Variants in CCBE1 observed in about 807,000 individuals in gnomAD.
The protein encoded by CCBE1 is collagen and calcium-binding EGF domain-containing protein 1.
Under a neutral mutation model 50.0 loss-of-function variants are expected in CCBE1, and 37 were observed. That is an observed-to-expected ratio of 0.74 (90% CI 0.57 to 0.97). CCBE1 has a LOEUF of 0.97. Among genes scored for constraint, CCBE1 ranks in the 50% least tolerant of loss-of-function variants. The pLI is 0.00. For synonymous variants in CCBE1, 234 were observed against 203.7 expected, an observed-to-expected ratio of 1.15 and a Z score of -1.27; for missense variants, 538 against 523.8, an observed-to-expected ratio of 1.03 and a Z score of -0.26.
chr18:59,642,383 G>A (rs754879582), intron 2 of CCBE1, among the ~76,000 whole-genome samples: 1 of 152,186 alleles, frequency 6.6e-6, no homozygotes, highest in Non-Finnish European at 1.5e-5. Flanking sequence ...GCTAGTGGGA[G>A]TGTAAACTGA....
intron 2 of CCBE1, among the ~76,000 whole-genome samples, chr18:59,662,602 A>T (rs531638558): frequency 6.6e-6 from 1 of 152,342 alleles, no homozygotes; most frequent in South Asian, 2.1e-4. Context: ...TGATTACTGC[A>T]TGATGTAGAA....
chr18:59,628,440 T>C (rs2053814149), intron 2 of CCBE1, among the ~76,000 whole-genome samples: 1 of 151,472 alleles, frequency 6.6e-6, no homozygotes, highest in South Asian at 2.1e-4. Flanking sequence ...CATGAGGTGA[T>C]GGAAAAAATC....
At chr18:59,562,891 C>T (rs905657371) in intron 2 of CCBE1, among the ~76,000 whole-genome samples, 18 of 72,058 alleles carry the variant, frequency 2.5e-4, no homozygotes, top group African/African-American at 1.3e-3. Context: ...TTAGAGGTTT[C>T]GATCTCGTTT....
intron 2 of CCBE1, among the ~76,000 whole-genome samples, chr18:59,694,348 C>T (rs1412738808): frequency 1.3e-5 from 2 of 152,136 alleles, no homozygotes; most frequent in Admixed American, 1.3e-4. Context: ...TTCAAAGTAA[C>T]CTTTAAAGAC....
At chr18:59,613,040 C>T (rs1009861882) in intron 2 of CCBE1, among the ~76,000 whole-genome samples, 8 of 151,908 alleles carry the variant, frequency 5.3e-5, no homozygotes, top group Non-Finnish European at 1.2e-4. Flanking sequence ...TCGGAGAAGA[C>T]AGACCTAAAG....
intron 2 of CCBE1, among the ~76,000 whole-genome samples, chr18:59,659,840 C>T (rs768425797): frequency 4.6e-5 from 7 of 152,196 alleles, no homozygotes; most frequent in Non-Finnish European, 1.0e-4. Flanking sequence ...TCCTGGACCC[C>T]CGTTTGCTCA....
chr18:59,666,862 G>T (rs2054365049), intron 2 of CCBE1, among the ~76,000 whole-genome samples: 1 of 152,186 alleles, frequency 6.6e-6, no homozygotes, highest in Non-Finnish European at 1.5e-5. Context: ...CTTTCCAGGA[G>T]CCTGAGGCAG....
intron 7 of CCBE1, among the ~76,000 whole-genome samples, chr18:59,440,610 G>A (rs989833025): frequency 1.3e-5 from 2 of 151,950 alleles, no homozygotes; most frequent in Admixed American, 6.6e-5. Context: ...GCACTCGGTG[G>A]GTCAGCAAAC....
In CCBE1 at chr18:59,431,760, T is replaced by A. The variant is rs1031940682; in HGVS notation, c.*4148A>T. 1.3e-5 allele frequency: 2 copies of A among 152,236 alleles called. No homozygotes were observed. Among genetic ancestry groups the A allele is most frequent in the African/African-American group, 4.8e-5 (2 of 41,460 alleles). The allele number at this position is 152,236 out of a possible 1,614,324, so 9.4% of individuals were successfully genotyped here. ...TTTACTTGTTGGGCTATGATACTCCTGAGTTTATACAGTAGAAATGACTTC... is the reference window on the plus strand; with the variant it reads ...TTTACTTGTTGGGCTATGATACTCCAGAGTTTATACAGTAGAAATGACTTC... On this transcript the variant is annotated 3_prime_UTR_variant, in exon 11 of 11. Transcript: ENST00000439986.
intron 2 of CCBE1, among the ~76,000 whole-genome samples, chr18:59,531,980 T>C (rs1026085306): frequency 1.3e-5 from 2 of 152,230 alleles, no homozygotes; most frequent in Non-Finnish European, 2.9e-5. Context: ...TTGAGTTTAC[T>C]TGCAACACGT....
intron 2 of CCBE1, among the ~76,000 whole-genome samples, chr18:59,563,200 A>C (rs1274580395): frequency 2.6e-5 from 4 of 152,206 alleles, no homozygotes; most frequent in Admixed American, 2.6e-4. Flanking sequence ...CACAAGATGG[A>C]ATGTTGTCTT....
chr18:59,567,091 G>T (rs1184892520), intron 2 of CCBE1, among the ~76,000 whole-genome samples: 1 of 152,086 alleles, frequency 6.6e-6, no homozygotes, highest in African/African-American at 2.4e-5. Flanking sequence ...TGGATTTATT[G>T]AAAGAGGTTT....
At chr18:59,522,174 C>T (rs1041193275) in intron 2 of CCBE1, among the ~76,000 whole-genome samples, 2 of 150,102 alleles carry the variant, frequency 1.3e-5, no homozygotes, top group Non-Finnish European at 2.9e-5. Context: ...TATGCTAATA[C>T]ATACAATCCT....
At chr18:59,512,571 T>C (rs76912040) in intron 2 of CCBE1, among the ~76,000 whole-genome samples, 3,949 of 152,344 alleles carry the variant, frequency 0.026, 140 homozygotes, top group African/African-American at 0.085. Context: ...TGCCATTCCC[T>C]GTATGACAGA....
At chr18:59,684,145 A>ACTGGAGATG (rs1178428190) in intron 2 of CCBE1, among the ~76,000 whole-genome samples, 1 of 152,192 alleles carries the variant, frequency 6.6e-6, no homozygotes, top group Non-Finnish European at 1.5e-5. Context: ...ATGCTGAGTA[A>ACTGGAGATG]CTGTCAGGAG....
At chr18:59,590,902 C>T (rs950897594) in intron 2 of CCBE1, among the ~76,000 whole-genome samples, 4 of 152,118 alleles carry the variant, frequency 2.6e-5, no homozygotes, top group African/African-American at 9.7e-5. Flanking sequence ...ATTTAAACTA[C>T]AAAAGTGCTA....
chr18:59,516,980 G>A (rs910430321), intron 2 of CCBE1, among the ~76,000 whole-genome samples: 3 of 152,138 alleles, frequency 2.0e-5, no homozygotes, highest in Admixed American at 2.0e-4. Flanking sequence ...TACTGATTAA[G>A]CTCCCCAGGG....
intron 2 of CCBE1, among the ~76,000 whole-genome samples, chr18:59,551,231 A>G (rs1915919250): frequency 6.6e-6 from 1 of 152,102 alleles, no homozygotes; most frequent in Admixed American, 6.6e-5. Flanking sequence ...CCTGTACAAC[A>G]CGTGATAATA....
chr18:59,471,462 A>G (rs1423200431), intron 3 of CCBE1, among the ~76,000 whole-genome samples: 1 of 152,164 alleles, frequency 6.6e-6, no homozygotes, highest in Non-Finnish European at 1.5e-5. Flanking sequence ...TTGGTGCGGT[A>G]ATTGTTAGTA....
Sources: allele counts gnomAD v4.1 joint callset (sites outside exome capture counted in the v4.1 genomes callset), GRCh38; gene constraint gnomAD v4.1.1; transcripts MANE v1.5; gene names NCBI Gene and HGNC (gene_info 2026-07-23, HGNC 2026-07-21).